The following BAZ1A variants were observed in gnomAD, a reference collection of about 807,000 sequenced individuals.
BAZ1A encodes bromodomain adjacent to zinc finger domain protein 1A.
BAZ1A carries 50 observed loss-of-function variants against 185.2 expected under a neutral mutation model. That is an observed-to-expected ratio of 0.27 (90% CI 0.22 to 0.34). BAZ1A has a LOEUF of 0.34. BAZ1A is among the 10% of genes least tolerant of loss of function. The pLI, the probability that BAZ1A is intolerant of heterozygous loss-of-function variation, is 1.00. For synonymous variants in BAZ1A, 571 were observed against 615.6 expected (o/e 0.93, Z 1.07); for missense variants, 1,356 against 1,839.9 (o/e 0.74, Z 4.81).
Position 34,775,985 on chromosome 14 carries a change from A to T in BAZ1A, c.2767T>A (p.Leu923Ile), listed in dbSNP as rs1879575322. ...HRESALKETLLQEKSRICAQL... is the reference protein window; with the variant it reads ...HRESALKETLIQEKSRICAQL... ...GCACATATTCTGCTTTTCTCTTGTAACAAAGTTTCTTTTAAGGCACTTTCT... is the reference window on the plus strand; with the variant it reads ...GCACATATTCTGCTTTTCTCTTGTATCAAAGTTTCTTTTAAGGCACTTTCT... Residue 923 changes from leucine to isoleucine, a missense_variant, in exon 18 of 27, where the codon TTA (leucine) becomes ATA (isoleucine). Coordinates refer to ENST00000360310, the MANE Select transcript of BAZ1A (RefSeq NM_013448.3). 3 of 1,613,688 alleles carry T rather than the reference A, an allele frequency of 1.9e-6. No individual in the cohort carries two copies. Among genetic ancestry groups the T allele is most frequent in the Admixed American group, 1.7e-5 (1 of 59,972 alleles).
Position 34,875,279 on chromosome 14 carries a change from C to A in BAZ1A, c.-200G>T. On this transcript the variant is annotated 5_prime_UTR_variant, in exon 1 of 27. Coordinates refer to ENST00000360310, the MANE Select transcript of BAZ1A (RefSeq NM_013448.3). ...TTCTCCCGCTGCCACTGCCCGACTC[C>A]GCGCGGGGAATTGCGTCCCACCGCC... The A allele has an allele frequency of 2.2e-6, 1 of 455,662 alleles. No individual in the cohort carries two copies. The highest frequency in any genetic ancestry group is 1.5e-5 in the South Asian group (1 of 64,558). The allele number at this position is 455,662 out of a possible 1,614,324, so 28.2% of individuals were successfully genotyped here. A position where few individuals can be genotyped will look rare whatever the true frequency, so the allele number is the denominator to read the frequency against.
intron 15 of BAZ1A, 113 bp from the exon 16 acceptor site, chr14:34,783,345 A>G (rs1301648404): frequency 7.8e-6 from 5 of 640,308 alleles, no homozygotes; most frequent in South Asian, 4.0e-5. Flanking sequence ...TTATAAAACT[A>G]TAATGTAGTA....
chr14:34,847,158 C>A lies in BAZ1A; in HGVS notation c.392+14886G>T, dbSNP rs113443010. ...CCCAGCTATTTGGGAGGCTGAGGCA[C>A]GAGAATGGCTTGAACCCAGGAGGTA... On this transcript the variant is annotated intron_variant, in intron 3 of 26. Transcript: ENST00000360310. Among the ~76,000 whole-genome samples, 4 of 150,438 alleles carry A rather than the reference C, an allele frequency of 2.7e-5. No homozygotes were observed. The East Asian group carries it at 5.8e-4, about 22-fold the overall frequency.
chr14:34,848,557 G>A lies in BAZ1A; in HGVS notation c.392+13487C>T, dbSNP rs538420451. Among the ~76,000 whole-genome samples, 23 of 152,176 alleles carry A rather than the reference G, an allele frequency of 1.5e-4. No homozygotes were observed. In the East Asian group the frequency reaches 3.7e-3, roughly 24 times the overall value. On this transcript the variant is annotated intron_variant, in intron 3 of 26. Transcript: ENST00000360310. Reference sequence around the variant, plus strand: ...GGCGGAGTTGCAGTGAGCCAAAATCGCGCCACTCCAGCCTGGGCGACAGAG... The same window carrying A: ...GGCGGAGTTGCAGTGAGCCAAAATCACGCCACTCCAGCCTGGGCGACAGAG...
rs1171148106 is a variant in BAZ1A, at chr14:34,759,496, G to C, written c.4244-650C>G. ...TTACAGGCGTGAGCCACCACGCCCG[G>C]CCTTTTCAGCTACAGTTAACTGAAA... On this transcript the variant is annotated intron_variant, in intron 24 of 26. Coordinates refer to ENST00000360310, the MANE Select transcript of BAZ1A (RefSeq NM_013448.3). Among the ~76,000 whole-genome samples, 4 of 152,112 alleles carry C rather than the reference G, an allele frequency of 2.6e-5. No individual in the cohort carries two copies. The East Asian group carries it at 7.7e-4, about 29-fold the overall frequency.
At chr14:34,860,861 G>A (rs1320518199) in intron 3 of BAZ1A, among the ~76,000 whole-genome samples, 1 of 151,924 alleles carries the variant, frequency 6.6e-6, no homozygotes, top group Admixed American at 6.6e-5. Flanking sequence ...TCTTGCCATT[G>A]CACTCCAGCC....
chr14:34,797,418 G>A (rs1008246491), intron 9 of BAZ1A, among the ~76,000 whole-genome samples: 1 of 152,062 alleles, frequency 6.6e-6, no homozygotes, highest in African/African-American at 2.4e-5. Context: ...AATTAGCCAG[G>A]CGTGGTGGTG....
intron 17 of BAZ1A, 169 bp downstream of exon 17, chr14:34,780,017 C>T (rs920391627): frequency 1.3e-6 from 1 of 755,016 alleles, no homozygotes; most frequent in Middle Eastern, 3.6e-4. Flanking sequence ...GACTTCATAA[C>T]ACATTTTTAC....
intron 4 of BAZ1A, among the ~76,000 whole-genome samples, chr14:34,818,187 A>G (rs2042034817): frequency 6.6e-6 from 1 of 152,246 alleles, no homozygotes; most frequent in African/African-American, 2.4e-5. Context: ...TTGTGCTACA[A>G]TACGGATGAA....
At position 34,758,725 on chromosome 14, in the gene BAZ1A, C is replaced by T. The variant is rs1226397058; in HGVS notation, c.4365G>A (p.Leu1455=). Reference sequence around the variant, plus strand: ...TTACCTGGATTTTAGAAACAAGTTTCAAAAAAGGCCAGCTGTCATCATGTC... The same window carrying T: ...TTACCTGGATTTTAGAAACAAGTTTTAAAAAAGGCCAGCTGTCATCATGTC... ...LVRHDDSWPF[L]KLVSKIQVPD... is the part of the protein sequence containing the mutation. Residue 1455 remains leucine (L), a synonymous_variant, in exon 25 of 27, where the codon TTG becomes TTA. Coordinates refer to ENST00000360310, the MANE Select transcript of BAZ1A (RefSeq NM_013448.3). 3 of 1,613,766 alleles carry T rather than the reference C, an allele frequency of 1.9e-6. No homozygotes were observed. The highest frequency in any genetic ancestry group is 1.7e-4 in the Middle Eastern group (1 of 6,058).
chr14:34,850,344 C>G (rs977947852), intron 3 of BAZ1A, among the ~76,000 whole-genome samples: 3 of 152,098 alleles, frequency 2.0e-5, no homozygotes, highest in Non-Finnish European at 4.4e-5. Flanking sequence ...CACCACTGCA[C>G]TCCAGCCTGG....
intron 4 of BAZ1A, among the ~76,000 whole-genome samples, chr14:34,813,215 A>AACAC (rs71671684): frequency 0.012 from 1,733 of 149,988 alleles, 15 homozygotes; most frequent in Non-Finnish European, 0.017. Context: ...AAACCTACAA[A>AACAC]ACACACACAC....
chr14:34,784,578 C>T (rs1322012099), intron 14 of BAZ1A, among the ~76,000 whole-genome samples: 4 of 151,294 alleles, frequency 2.6e-5, no homozygotes, highest in South Asian at 2.1e-4. Flanking sequence ...AGTGCAGTGG[C>T]GCGATCTCGG....
At chr14:34,850,872 C>T (rs2042585847) in intron 3 of BAZ1A, among the ~76,000 whole-genome samples, 1 of 152,144 alleles carries the variant, frequency 6.6e-6, no homozygotes, top group Non-Finnish European at 1.5e-5. Flanking sequence ...TACATAGATT[C>T]CTTCCAGACC....
intron 2 of BAZ1A, among the ~76,000 whole-genome samples, chr14:34,871,366 T>G (rs993517582): frequency 1.2e-4 from 18 of 152,224 alleles, no homozygotes; most frequent in Non-Finnish European, 1.2e-4. Flanking sequence ...CCAGAATAAA[T>G]CGTATTTAAG....
intron 4 of BAZ1A, among the ~76,000 whole-genome samples, chr14:34,818,414 A>G (rs1001310772): frequency 5.3e-5 from 8 of 152,202 alleles, no homozygotes; most frequent in East Asian, 1.9e-4. Context: ...AACACTGTGA[A>G]TGTAATTGAT....
intron 2 of BAZ1A, among the ~76,000 whole-genome samples, chr14:34,872,777 T>C (rs2042969170): frequency 6.6e-6 from 1 of 151,738 alleles, no homozygotes; most frequent in Non-Finnish European, 1.5e-5. Flanking sequence ...CCTCTAAAAG[T>C]GAGAAAAGCC....
chr14:34,801,299 T>G (rs1594854755), intron 7 of BAZ1A, 106 bp from the exon 8 acceptor site: 2 of 819,952 alleles, frequency 2.4e-6, no homozygotes, highest in African/African-American at 3.6e-5. Context: ...AAATGATTTT[T>G]TTATTTTTTT....
chr14:34,772,025 G>T (rs1425091230), intron 20 of BAZ1A, among the ~76,000 whole-genome samples: 2 of 151,880 alleles, frequency 1.3e-5, no homozygotes, highest in Admixed American at 6.6e-5. Flanking sequence ...TGCGATCTCA[G>T]CTTACTGCAA....
Sources: gnomAD v4.1 joint callset for allele counts (sites outside exome capture counted in the v4.1 genomes callset) on GRCh38, gnomAD v4.1.1 for gene constraint, MANE v1.5 for transcripts, NCBI Gene and HGNC (gene_info 2026-07-23, HGNC 2026-07-21) for gene names.